The following RBPJ variants were observed in gnomAD, a reference collection of about 807,000 sequenced individuals.
RBPJ encodes the protein recombining binding protein suppressor of hairless.
RBPJ carries 9 observed loss-of-function variants against 67.8 expected under a neutral mutation model. That is an observed-to-expected ratio of 0.13 (90% CI 0.08 to 0.23). The LOEUF is 0.23. Ranked by LOEUF, RBPJ falls within the 10% of genes least tolerant of loss-of-function variation. The probability of loss-of-function intolerance (pLI) is 1.00; values close to 1 mark genes in which losing one functional copy is unlikely to be tolerated. For synonymous variants in RBPJ, 198 were observed against 203.3 expected (o/e 0.97, Z 0.22); for missense variants, 305 against 595.6 (o/e 0.51, Z 5.08).
intron 1 of RBPJ, among the ~76,000 whole-genome samples, chr4:26,300,853 A>G (rs1263895725): frequency 6.6e-6 from 1 of 152,242 alleles, no homozygotes; most frequent in African/African-American, 2.4e-5. Flanking sequence ...GATAGGATAA[A>G]TAAAGCCATT....
chr4:26,118,525 C>A, the RBPJ span, among the ~76,000 whole-genome samples: 1 of 152,136 alleles, frequency 6.6e-6, no homozygotes, highest in Non-Finnish European at 1.5e-5. Context: ...TGTTTAATAC[C>A]AGCAGGCAGG....
At chr4:26,309,866 C>T (rs1205139633) in intron 1 of RBPJ, among the ~76,000 whole-genome samples, 25 of 152,162 alleles carry the variant, frequency 1.6e-4, no homozygotes, top group Non-Finnish European at 1.6e-4. Context: ...CTATCAATCA[C>T]ACATGGAAAC....
intron 1 of RBPJ, chr4:26,272,864 G>A (rs1023620662): frequency 1.7e-5 from 5 of 296,304 alleles, no homozygotes; most frequent in Non-Finnish European, 3.4e-5. Flanking sequence ...AGAAAGCTGT[G>A]GTTAGATTTG....
At chr4:26,318,122 C>T (rs968520003), upstream of RBPJ, among the ~76,000 whole-genome samples, 23 of 151,230 alleles carry the variant, frequency 1.5e-4, no homozygotes, top group Non-Finnish European at 1.5e-5. Flanking sequence ...CACAAACACA[C>T]ACACACGCAC....
intron 2 of RBPJ, among the ~76,000 whole-genome samples, chr4:26,387,287 G>A (rs1731013446): frequency 6.6e-6 from 1 of 152,106 alleles, no homozygotes; most frequent in African/African-American, 2.4e-5. Flanking sequence ...CAGTTTGAAG[G>A]GGAAATCTGG....
At chr4:26,224,681 A>G (rs1391280298) in intron 1 of RBPJ, among the ~76,000 whole-genome samples, 1 of 152,178 alleles carries the variant, frequency 6.6e-6, no homozygotes, top group African/African-American at 2.4e-5. Context: ...TCTTGATGGC[A>G]GAATCCAAGT....
intron 3 of RBPJ, chr4:26,409,903 C>CA: frequency 3.0e-6 from 1 of 329,814 alleles, no homozygotes; most frequent in Non-Finnish European, 5.8e-6. Context: ...AAAAAATGAA[C>CA]AAAAATGATG....
In RBPJ at chr4:26,431,675, C is replaced by G. The variant is rs1736250225; in HGVS notation, c.*668C>G. ...CAAAATTGTTTGGATTTCAGCAAGTCAAATCTTGCAAAGGCCTGCATATTT... is the reference window on the plus strand; with the variant it reads ...CAAAATTGTTTGGATTTCAGCAAGTGAAATCTTGCAAAGGCCTGCATATTT... On this transcript the variant is annotated 3_prime_UTR_variant, in exon 11 of 11. Coordinates refer to ENST00000355476, the MANE Select transcript of RBPJ (RefSeq NM_015874.6). 6.6e-6 allele frequency: 1 copy of G among 151,126 alleles called. No individual in the cohort carries two copies. Among genetic ancestry groups the G allele is most frequent in the African/African-American group, 2.4e-5 (1 of 41,068 alleles). 9.4% of individuals were successfully genotyped at this position (151,126 alleles called of 1,614,324 possible). A position where few individuals can be genotyped will look rare whatever the true frequency, so the allele number is the denominator to read the frequency against.
chr4:26,148,985 A>G, the RBPJ span, among the ~76,000 whole-genome samples: 1 of 152,238 alleles, frequency 6.6e-6, no homozygotes, highest in Non-Finnish European at 1.5e-5. Flanking sequence ...TGTTTCTTCC[A>G]TATATTTCTC....
intron 1 of RBPJ, among the ~76,000 whole-genome samples, chr4:26,222,229 C>T (rs1394648615): frequency 6.6e-6 from 1 of 152,200 alleles, no homozygotes; most frequent in Non-Finnish European, 1.5e-5. Context: ...CACGGTGGCT[C>T]ATGCCTGTAA....
intron 1 of RBPJ, among the ~76,000 whole-genome samples, chr4:26,329,432 T>C (rs1723998289): frequency 6.6e-6 from 1 of 152,168 alleles, no homozygotes; most frequent in Admixed American, 6.6e-5. Context: ...AGAAGCTCTT[T>C]TTGAGGCAGG....
At chr4:26,218,683 G>A (rs955369186) in intron 1 of RBPJ, among the ~76,000 whole-genome samples, 2 of 152,130 alleles carry the variant, frequency 1.3e-5, no homozygotes, top group Non-Finnish European at 2.9e-5. Flanking sequence ...CCTCGGCCTC[G>A]CCACTGTGGT....
chr4:26,354,078 G>A lies in RBPJ; in HGVS notation c.21-32275G>A, dbSNP rs188299376. Among the ~76,000 whole-genome samples, 91 of 151,438 alleles carry A rather than the reference G, an allele frequency of 6.0e-4. 2 individuals carry two copies. The highest frequency in any genetic ancestry group is 5.5e-3 in the Admixed American group (83 of 15,228). ...CCCGAGTAGCTGGGACTACAGGCGC[G>A]TGCCACCATGCCCGGCTAATTTTTT... On this transcript the variant is annotated intron_variant, in intron 1 of 10. Transcript: ENST00000355476.
At chr4:26,214,245 A>C (rs939175433) in intron 1 of RBPJ, among the ~76,000 whole-genome samples, 2 of 127,898 alleles carry the variant, frequency 1.6e-5, no homozygotes, top group African/African-American at 6.2e-5. Context: ...GAAAGAGAAA[A>C]GGGAGAAAAG....
intron 1 of RBPJ, among the ~76,000 whole-genome samples, chr4:26,197,918 G>A (rs768985918): frequency 8.6e-5 from 13 of 151,962 alleles, no homozygotes; most frequent in Non-Finnish European, 1.8e-4. Flanking sequence ...TGACTATATC[G>A]GCCACTTTCC....
intron 3 of RBPJ, chr4:26,410,032 T>A (rs959561726): frequency 2.6e-5 from 12 of 454,770 alleles, no homozygotes; most frequent in Middle Eastern, 3.2e-4. Flanking sequence ...TTGATTTTTT[T>A]AAAAAACAGG....
At chr4:26,240,541 T>C (rs929425359) in intron 1 of RBPJ, among the ~76,000 whole-genome samples, 6 of 152,244 alleles carry the variant, frequency 3.9e-5, no homozygotes, top group African/African-American at 1.4e-4. Flanking sequence ...CGTGCTGAAG[T>C]AGGGAAGGAC....
chr4:26,191,251 AGAGAGG>A lies in RBPJ; in HGVS notation c.-167+27643_-167+27648del, dbSNP rs1560204262. On this transcript the variant is annotated intron_variant, in intron 1 of 4. Coordinates refer to the RBPJ transcript ENST00000512351. ...GAGAGAGAGAGAGAGATAGAGAGAG[AGAGAGG>A]GAGAGAGGGAGAGAGAGATCGTATC... is the stretch of plus-strand genomic sequence containing the variant. Among the ~76,000 whole-genome samples the A allele has an allele frequency of 4.7e-4, 61 of 130,398 alleles. 1 individual carries two copies. The highest frequency in any genetic ancestry group is 1.8e-3 in the African/African-American group (57 of 32,316). 85.5% of individuals were successfully genotyped at this position (130,398 alleles called of 152,430 possible).
chr4:26,385,576 C>T (rs1730827373), intron 1 of RBPJ, among the ~76,000 whole-genome samples: 1 of 152,110 alleles, frequency 6.6e-6, no homozygotes, highest in Admixed American at 6.5e-5. Context: ...TCTTGCTTTT[C>T]TCTTTGCCCT....
Sources: allele counts gnomAD v4.1 joint callset (sites outside exome capture counted in the v4.1 genomes callset), GRCh38; gene constraint gnomAD v4.1.1; transcripts MANE v1.5; gene names NCBI Gene and HGNC (gene_info 2026-07-23, HGNC 2026-07-21).